LRRC8B: variants seen among roughly 807,000 people sequenced by gnomAD.
LRRC8B encodes the protein leucine rich repeat containing 8 VRAC subunit B.
In LRRC8B, 23 loss-of-function variants were observed where a neutral mutation model predicts 58.8. The ratio of observed to expected loss-of-function variants is 0.39; its 90% CI spans 0.28 to 0.55. The LOEUF is 0.55. LRRC8B is among the 20% of genes least tolerant of loss of function. LRRC8B has a pLI of 0.62. For missense variants in LRRC8B, 694 were observed against 936.0 expected, an observed-to-expected ratio of 0.74 and a Z score of 3.37; for synonymous variants, 359 against 374.1, an observed-to-expected ratio of 0.96 and a Z score of 0.47.
chr1:89,591,689 G>C (rs1654984750), intron 5 of LRRC8B, among the ~76,000 whole-genome samples: 1 of 152,106 alleles, frequency 6.6e-6, no homozygotes, highest in South Asian at 2.1e-4. Context: ...TCCTTTTGAG[G>C]AGAGACAGTT....
At chr1:89,589,940 A>C (rs756652077) in intron 5 of LRRC8B, among the ~76,000 whole-genome samples, 4 of 152,204 alleles carry the variant, frequency 2.6e-5, no homozygotes, top group African/African-American at 4.8e-5. Flanking sequence ...TGGTTGTCAG[A>C]GAATTCTAGG....
rs1201746156 is a variant in LRRC8B, at chr1:89,524,864, C to G, written c.-399C>G. The G allele has an allele frequency of 6.6e-6, 1 of 152,184 alleles. No individual in the cohort carries two copies. The highest frequency in any genetic ancestry group is 1.5e-5 in the Non-Finnish European group (1 of 68,038). The allele number at this position is 152,184 out of a possible 1,614,324, so 9.4% of individuals were successfully genotyped here. A position where few individuals can be genotyped will look rare whatever the true frequency, so the allele number is the denominator to read the frequency against. ...GGAACGCGTCGCGTCACAATGGAGCCGGTCGGAGGCGGCGAGCCGGACAGC... is the reference window on the plus strand; with the variant it reads ...GGAACGCGTCGCGTCACAATGGAGCGGGTCGGAGGCGGCGAGCCGGACAGC... On this transcript the variant is annotated 5_prime_UTR_variant, in exon 1 of 6. Coordinates refer to ENST00000330947, the MANE Select transcript of LRRC8B (RefSeq NM_001369817.2).
chr1:89,592,667 C>A, intron 5 of LRRC8B, 104 bp from the exon 6 acceptor site: 1 of 989,920 alleles, frequency 1.0e-6, no homozygotes, highest in Non-Finnish European at 1.5e-6. Context: ...CACTTATAAA[C>A]CTCCAGAAAT....
At position 89,595,947 on chromosome 1, in the gene LRRC8B, A is replaced by T. The variant is rs1277217385; in HGVS notation, c.*2904A>T. ...AAATGTGGAGGTTATTCAGAACAAAATTCATAGCTTACGGTAGTAATGGCA... is the reference window on the plus strand; with the variant it reads ...AAATGTGGAGGTTATTCAGAACAAATTTCATAGCTTACGGTAGTAATGGCA... On this transcript the variant is annotated 3_prime_UTR_variant, in exon 6 of 6. Coordinates refer to ENST00000330947, the MANE Select transcript of LRRC8B (RefSeq NM_001369817.2). 1 of 152,170 alleles carries T rather than the reference A, an allele frequency of 6.6e-6. No individual in the cohort carries two copies. Among genetic ancestry groups the T allele is most frequent in the Non-Finnish European group, 1.5e-5 (1 of 67,982 alleles). The allele number at this position is 152,170 out of a possible 1,614,324, so 9.4% of individuals were successfully genotyped here.
chr1:89,580,614 C>T (rs1654152084), intron 4 of LRRC8B, among the ~76,000 whole-genome samples: 1 of 152,110 alleles, frequency 6.6e-6, no homozygotes, highest in Non-Finnish European at 1.5e-5. Flanking sequence ...CTTACCTCGA[C>T]ACACAATTAT....
intron 4 of LRRC8B, among the ~76,000 whole-genome samples, chr1:89,581,872 G>A (rs895020612): frequency 1.3e-5 from 2 of 152,104 alleles, no homozygotes; most frequent in East Asian, 1.9e-4. Flanking sequence ...ATTACAAAGC[G>A]AAAGCTTGTG....
Position 89,592,994 on chromosome 1 carries a change from T to C in LRRC8B, c.2363T>C (p.Leu788Pro). ...LIVEENLLNT[L>P]PLPVTERLQT... ...GTTGAGGAGAACTTGCTCAATACTC[T>C]TCCTCTCCCTGTAACAGAACGTTTA... The change falls in exon 6 of 6, where the codon CTT (leucine) becomes CCT (proline). Residue 788 changes from leucine (L) to proline (P), a missense_variant. Leu to Pro is a moderately conservative substitution (Grantham distance 98, BLOSUM62 -3). Transcript: ENST00000330947. 6.2e-7 allele frequency: 1 copy of C among 1,614,016 alleles called. No homozygotes were observed. Among genetic ancestry groups the C allele is most frequent in the Non-Finnish European group, 8.5e-7 (1 of 1,179,878 alleles).
rs1489435898 is a variant in LRRC8B, at chr1:89,584,182, A to G, written c.1532A>G (p.Asn511Ser). 1 of 1,611,498 alleles carries G rather than the reference A, an allele frequency of 6.2e-7. No homozygotes were observed. The highest frequency in any genetic ancestry group is 8.5e-7 in the Non-Finnish European group (1 of 1,180,006). Residue 511 changes from asparagine to serine, a missense_variant, in exon 5 of 6, where the codon AAT (asparagine) becomes AGT (serine). Physicochemically the swap from Asn to Ser is conservative, Grantham distance 46. This residue lies in a region of LRRC8B where 162 missense variants were observed against 198.5 expected (regional missense o/e 0.82). Transcript: ENST00000330947. ...KIPRWVFHLK[N>S]LKELYLSGCV... is the part of the protein sequence containing the mutation. ...CCACGCTGGGTATTTCACCTCAAGA[A>G]TCTCAAGGAACTTTATCTTTCGGGC...
intron 1 of LRRC8B, among the ~76,000 whole-genome samples, chr1:89,530,704 T>C (rs189824176): frequency 1.5e-4 from 23 of 152,274 alleles, no homozygotes; most frequent in African/African-American, 5.5e-4. Flanking sequence ...ATGAGCAGTG[T>C]GTTTCAGAGG....
chr1:89,533,526 C>T lies in LRRC8B; in HGVS notation c.-241+8504C>T, dbSNP rs116116628. ...ACAAGCACAGAACCATCTTTCTAGG[C>T]TCCATTAAAGCATACCTTTTCTGAA... On this transcript the variant is annotated intron_variant, in intron 1 of 5. Coordinates refer to ENST00000330947, the MANE Select transcript of LRRC8B (RefSeq NM_001369817.2). Among the ~76,000 whole-genome samples the T allele has an allele frequency of 2.6e-3, 399 of 152,276 alleles. 3 individuals carry two copies. The highest frequency in any genetic ancestry group is 8.8e-3 in the African/African-American group (366 of 41,538).
chr1:89,566,618 A>G (rs1360675806), intron 1 of LRRC8B, among the ~76,000 whole-genome samples: 1 of 152,230 alleles, frequency 6.6e-6, no homozygotes, highest in Non-Finnish European at 1.5e-5. Context: ...TCCCTACAAG[A>G]CAAATATACC....
At chr1:89,542,111 T>C (rs1192116372) in intron 1 of LRRC8B, among the ~76,000 whole-genome samples, 2 of 152,210 alleles carry the variant, frequency 1.3e-5, no homozygotes, top group East Asian at 3.8e-4. Context: ...AATATGGAAC[T>C]AGACAGAGAC....
chr1:89,538,501 A>T (rs762769670), intron 1 of LRRC8B, among the ~76,000 whole-genome samples: 6 of 152,206 alleles, frequency 3.9e-5, no homozygotes, highest in African/African-American at 9.6e-5. Flanking sequence ...GGGACATTTT[A>T]TACAGAGACT....
intron 5 of LRRC8B, among the ~76,000 whole-genome samples, chr1:89,590,479 C>G (rs1177608794): frequency 6.6e-6 from 1 of 152,224 alleles, no homozygotes; most frequent in Non-Finnish European, 1.5e-5. Context: ...TCGCACATAG[C>G]CAGCGCAGCC....
rs1448532396 is a variant in LRRC8B at position 89,524,891 on chromosome 1, C to G, written c.-372C>G. 6.6e-6 allele frequency: 1 copy of G among 152,256 alleles called. No individual in the cohort carries two copies. Among genetic ancestry groups the G allele is most frequent in the South Asian group, 2.1e-4 (1 of 4,836 alleles). 9.4% of individuals were successfully genotyped at this position (152,256 alleles called of 1,614,324 possible). Reference sequence around the variant, plus strand: ...GTCGGAGGCGGCGAGCCGGACAGCGCCGGGGCTTCCCGCTGAGCCCGCAGC... The same window carrying G: ...GTCGGAGGCGGCGAGCCGGACAGCGGCGGGGCTTCCCGCTGAGCCCGCAGC... On this transcript the variant is annotated 5_prime_UTR_variant, in exon 1 of 6. Coordinates refer to ENST00000330947, the MANE Select transcript of LRRC8B (RefSeq NM_001369817.2).
intron 3 of LRRC8B, among the ~76,000 whole-genome samples, chr1:89,575,117 A>G (rs1306170407): frequency 3.9e-5 from 6 of 152,170 alleles, no homozygotes; most frequent in Non-Finnish European, 7.4e-5. Context: ...TGTAAGAGGA[A>G]TGTAAATCAT....
Position 89,582,976 on chromosome 1 carries a change from G to A in LRRC8B, c.326G>A (p.Cys109Tyr). 1 of 1,614,110 alleles carries A rather than the reference G, an allele frequency of 6.2e-7. No individual in the cohort carries two copies. ...CAGTACTCCTATATTGATGCCGTCTGTTACGAGAAACAGCTCCATTGGTTT... is the reference window on the plus strand; with the variant it reads ...CAGTACTCCTATATTGATGCCGTCTATTACGAGAAACAGCTCCATTGGTTT... ...RQQYSYIDAV[C>Y]YEKQLHWFAK... is the part of the protein sequence containing the mutation. The change falls in exon 5 of 6, where the codon TGT (cysteine) becomes TAT (tyrosine). Residue 109 changes from cysteine (C) to tyrosine (Y), a missense_variant. Cys to Tyr is a radical substitution (Grantham distance 194, BLOSUM62 -2). Coordinates refer to ENST00000330947, the MANE Select transcript of LRRC8B (RefSeq NM_001369817.2).
chr1:89,554,755 T>A (rs1652057744), intron 1 of LRRC8B, among the ~76,000 whole-genome samples: 2 of 152,206 alleles, frequency 1.3e-5, no homozygotes, highest in African/African-American at 4.8e-5. Flanking sequence ...GATGGTATTG[T>A]CAAATATAAA....
At position 89,596,430 on chromosome 1, in the gene LRRC8B, C is replaced by G. The variant is rs1213958693; in HGVS notation, c.*3387C>G. On this transcript the variant is annotated 3_prime_UTR_variant, in exon 6 of 6. Transcript: ENST00000330947. ...GCTCCAATAGGTGTGCTGTGGTGCACTGCAGTGATGTATTTGCATAACATT... is the reference window on the plus strand; with the variant it reads ...GCTCCAATAGGTGTGCTGTGGTGCAGTGCAGTGATGTATTTGCATAACATT... The G allele has an allele frequency of 6.6e-6, 1 of 152,044 alleles. No individual in the cohort carries two copies. The highest frequency in any genetic ancestry group is 1.5e-5 in the Non-Finnish European group (1 of 67,968). The allele number at this position is 152,044 out of a possible 1,614,324, so 9.4% of individuals were successfully genotyped here. A position where few individuals can be genotyped will look rare whatever the true frequency, so the allele number is the denominator to read the frequency against.
Sources: gnomAD v4.1 joint callset for allele counts (sites outside exome capture counted in the v4.1 genomes callset) on GRCh38, gnomAD v4.1.1 for gene constraint, gnomAD v4.1.1 regional missense constraint, MANE v1.5 for transcripts, NCBI Gene and HGNC (gene_info 2026-07-23, HGNC 2026-07-21) for gene names.